NFKB1: variants seen among roughly 807,000 people sequenced by gnomAD.
NFKB1 encodes nuclear factor NF-kappa-B p105 subunit.
NFKB1 carries 9 observed loss-of-function variants against 105.1 expected under a neutral mutation model. The observed-to-expected ratio is 0.09, with a 90% CI of 0.05 to 0.15. The LOEUF (loss-of-function observed/expected upper bound fraction) is 0.15, where lower values mean the gene tolerates loss of function less well. Among genes scored for constraint, NFKB1 ranks in the 10% least tolerant of loss-of-function variants. The pLI is 1.00. For synonymous variants in NFKB1, 440 were observed against 442.2 expected, an observed-to-expected ratio of 1.00 and a Z score of 0.06; for missense variants, 830 against 1,203.7, an observed-to-expected ratio of 0.69 and a Z score of 4.59.
At position 102,525,785 on chromosome 4, in the gene NFKB1, A is replaced by G. The variant is rs75071695; in HGVS notation, c.39+228A>G. On this transcript the variant is annotated intron_variant, in intron 2 of 23. Transcript: ENST00000226574. Reference sequence around the variant, plus strand: ...TTGTTGCACAAAAATTGTATATGCTACAGGATAGCTATTGTATTAGCTTTC... The same window carrying G: ...TTGTTGCACAAAAATTGTATATGCTGCAGGATAGCTATTGTATTAGCTTTC... Among the ~76,000 whole-genome samples, 416 of 152,328 alleles carry G rather than the reference A, an allele frequency of 2.7e-3. 1 individual carries two copies. The highest frequency in any genetic ancestry group is 9.4e-3 in the African/African-American group (389 of 41,574).
intron 23 of NFKB1, among the ~76,000 whole-genome samples, chr4:102,613,973 A>G (rs1728688419): frequency 6.6e-6 from 1 of 152,200 alleles, no homozygotes; most frequent in African/African-American, 2.4e-5. Context: ...ATATGGGACT[A>G]CGTGTCATGC....
chr4:102,521,394 G>T (rs1428850295), intron 1 of NFKB1, among the ~76,000 whole-genome samples: 2 of 152,168 alleles, frequency 1.3e-5, no homozygotes, highest in Non-Finnish European at 2.9e-5. Flanking sequence ...TGCTATCCAA[G>T]ATGAGGTATT....
intron 19 of NFKB1, among the ~76,000 whole-genome samples, chr4:102,610,089 A>G (rs533713521): frequency 1.1e-4 from 17 of 152,328 alleles, no homozygotes; most frequent in African/African-American, 1.7e-4. Context: ...GCATTGCTGT[A>G]CCCAGCAATG....
chr4:102,502,832 G>GA (rs1162583484), intron 1 of NFKB1, among the ~76,000 whole-genome samples: 2 of 151,988 alleles, frequency 1.3e-5, no homozygotes, highest in African/African-American at 2.4e-5. Flanking sequence ...CTCATAATCT[G>GA]AAAAAATGCT....
chr4:102,538,435 A>G (rs962089671), intron 5 of NFKB1, among the ~76,000 whole-genome samples: 3 of 152,210 alleles, frequency 2.0e-5, no homozygotes, highest in Non-Finnish European at 4.4e-5. Context: ...CTCTTAATGT[A>G]TAAAATACAA....
In NFKB1 at chr4:102,616,435, C is replaced by T. The variant is rs151134704; in HGVS notation, c.2751C>T (p.Asp917=). The T allele has an allele frequency of 8.0e-5, 129 of 1,613,664 alleles. No homozygotes were observed. The highest frequency in any genetic ancestry group is 5.3e-4 in the Admixed American group (32 of 60,002). Residue 917 remains aspartate, a splice_region_variant and synonymous_variant, in exon 24 of 24, where the codon GAC becomes GAT. Transcript: ENST00000226574. ...TGAATTTGTGCTTTCTCCCCTCAGA[C>T]GAGCTCCGAGACAGTGACAGTGTCT... ...LSPASTRQQI[D]ELRDSDSVCD...
chr4:102,616,575 C>A lies in NFKB1; in HGVS notation c.2891C>A (p.Pro964His), dbSNP rs140660237. The A allele has an allele frequency of 1.9e-6, 3 of 1,614,034 alleles. No homozygotes were observed. The highest frequency in any genetic ancestry group is 4.5e-5 in the East Asian group (2 of 44,884). The change falls in exon 24 of 24, where the codon CCT becomes CAT. Residue 964 changes from proline (P) to histidine (H), a missense_variant. Coordinates refer to ENST00000226574, the MANE Select transcript of NFKB1 (RefSeq NM_003998.4). Reference protein sequence around the residue: ...KMPHDYGQEGPLEGKI With the variant: ...KMPHDYGQEGHLEGKI ...CCCCATGATTATGGGCAGGAAGGACCTCTAGAAGGCAAAATTTAGCCTGCT... is the reference window on the plus strand; with the variant it reads ...CCCCATGATTATGGGCAGGAAGGACATCTAGAAGGCAAAATTTAGCCTGCT...
chr4:102,609,024 G>A (rs1728105061), intron 19 of NFKB1, among the ~76,000 whole-genome samples: 1 of 151,890 alleles, frequency 6.6e-6, no homozygotes, highest in Admixed American at 6.6e-5. Context: ...ATGGTGGCAT[G>A]CGCCTATAGT....
At chr4:102,577,131 G>A in intron 7 of NFKB1, 92 bp downstream of exon 7, 1 of 1,318,400 alleles carries the variant, frequency 7.6e-7, no homozygotes, top group Non-Finnish European at 1.0e-6. Context: ...ATCCCTTCCA[G>A]TCTCTACCCC....
In NFKB1 at chr4:102,610,672, G is replaced by A. The variant is rs752432216; in HGVS notation, c.2325G>A (p.Thr775=). 18 of 1,614,006 alleles carry A rather than the reference G, an allele frequency of 1.1e-5. No individual in the cohort carries two copies. The highest frequency in any genetic ancestry group is 1.6e-4 in the Middle Eastern group (1 of 6,062). Residue 775 remains threonine, a synonymous_variant, in exon 20 of 24, where the codon ACG becomes ACA. Transcript: ENST00000226574. ...GEDEGVVPGT[T]PLDMATSWQV... is the part of the protein sequence containing the mutation. ...ATGAAGGAGTTGTGCCTGGAACCAC[G>A]CCTCTAGATATGGCCACCAGCTGGC...
intron 2 of NFKB1, among the ~76,000 whole-genome samples, chr4:102,528,172 AG>A (rs1458269498): frequency 6.6e-6 from 1 of 152,128 alleles, no homozygotes; most frequent in Non-Finnish European, 1.5e-5. Flanking sequence ...CTCTCTCCTA[AG>A]GTGAGCCCTT....
chr4:102,597,030 C>G (rs1726674966), intron 14 of NFKB1, among the ~76,000 whole-genome samples: 1 of 152,126 alleles, frequency 6.6e-6, no homozygotes, highest in South Asian at 2.1e-4. Context: ...ATGCCATTCC[C>G]TGACCTTAAT....
intron 19 of NFKB1, among the ~76,000 whole-genome samples, chr4:102,608,768 T>C (rs1728077860): frequency 6.6e-6 from 1 of 152,164 alleles, no homozygotes; most frequent in Admixed American, 6.5e-5. Context: ...TCTCTTTTGT[T>C]AAATAGAACT....
chr4:102,580,744 C>T, intron 9 of NFKB1, 105 bp downstream of exon 9: 1 of 787,394 alleles, frequency 1.3e-6, no homozygotes, highest in Non-Finnish European at 2.0e-6. Flanking sequence ...AGAAACATCC[C>T]TCTGCTGCCA....
intron 5 of NFKB1, among the ~76,000 whole-genome samples, chr4:102,550,924 A>G (rs1321232590): frequency 6.6e-6 from 1 of 152,140 alleles, no homozygotes; most frequent in Non-Finnish European, 1.5e-5. Context: ...TCAGTTTCAC[A>G]TCTTTCATTT....
intron 23 of NFKB1, among the ~76,000 whole-genome samples, chr4:102,614,713 G>A (rs753278563): frequency 6.6e-6 from 1 of 151,912 alleles, no homozygotes; most frequent in African/African-American, 2.4e-5. Context: ...CATGGTTGAC[G>A]CCTACCTTCA....
At chr4:102,596,095 A>G in intron 13 of NFKB1, 43 bp from the exon 14 acceptor site, 1 of 1,372,602 alleles carries the variant, frequency 7.3e-7, no homozygotes, top group Non-Finnish European at 9.9e-7. Context: ...ATCACTAAAT[A>G]CATTTTACTG....
At position 102,606,593 on chromosome 4, in the gene NFKB1, A is replaced by G; in HGVS notation, c.1850A>G (p.Asn617Ser). 6.2e-7 allele frequency: 1 copy of G among 1,613,998 alleles called. No homozygotes were observed. The highest frequency in any genetic ancestry group is 8.5e-7 in the Non-Finnish European group (1 of 1,180,002). The change falls in exon 17 of 24, where the codon AAC (asparagine) becomes AGC (serine). Residue 617 changes from asparagine to serine, a missense_variant. This residue lies in a region of NFKB1 where 418 missense variants were observed against 575.3 expected (regional missense o/e 0.73). Transcript: ENST00000226574. ...CTGAGCCTTCTGGACCGCTTGGGTA[A>G]CTCTGTTTTGCACCTAGCTGCCAAA... ...ADLSLLDRLGNSVLHLAAKEG... is the reference protein window; with the variant it reads ...ADLSLLDRLGSSVLHLAAKEG...
At chr4:102,563,759 G>A (rs1174976189) in intron 5 of NFKB1, among the ~76,000 whole-genome samples, 1 of 151,708 alleles carries the variant, frequency 6.6e-6, no homozygotes, top group African/African-American at 2.4e-5. Flanking sequence ...AGTGTCCCTG[G>A]GTAGCTGAGT....
Sources: allele counts gnomAD v4.1 joint callset (sites outside exome capture counted in the v4.1 genomes callset), GRCh38; gene constraint gnomAD v4.1.1; regional missense constraint gnomAD v4.1.1; transcripts MANE v1.5; gene names NCBI Gene and HGNC (gene_info 2026-07-23, HGNC 2026-07-21).